FRMD4A: variants seen among roughly 807,000 people sequenced by gnomAD.
FRMD4A encodes the protein FERM domain-containing protein 4A.
In FRMD4A, 29 loss-of-function variants were observed where a neutral mutation model predicts 129.1. The ratio of observed to expected loss-of-function variants is 0.22; its 90% CI spans 0.17 to 0.31. FRMD4A has a LOEUF of 0.31. Among genes scored for constraint, FRMD4A ranks in the 10% least tolerant of loss-of-function variants. FRMD4A has a pLI of 1.00. For missense variants in FRMD4A, 1,272 were observed against 1,375.8 expected, an observed-to-expected ratio of 0.92 and a Z score of 1.19; for synonymous variants, 634 against 571.6, an observed-to-expected ratio of 1.11 and a Z score of -1.56.
intron 12 of FRMD4A, among the ~76,000 whole-genome samples, chr10:13,725,202 G>A (rs1000988359): frequency 1.3e-5 from 2 of 152,176 alleles, no homozygotes; most frequent in Admixed American, 6.5e-5. Context: ...AGAAAACTGA[G>A]GCCCAGGGAA....
chr10:13,684,076 T>G (rs1044050275), intron 15 of FRMD4A: 1 of 152,174 alleles, frequency 6.6e-6, no homozygotes, highest in Non-Finnish European at 1.5e-5. Flanking sequence ...AGGAAAACAG[T>G]GTCATCAGGT....
chr10:14,329,702 A>C (rs1425786515), intron 2 of FRMD4A, among the ~76,000 whole-genome samples: 1 of 152,138 alleles, frequency 6.6e-6, no homozygotes, highest in Non-Finnish European at 1.5e-5. Context: ...ATATCCAAAA[A>C]CAAACACAAT....
intron 2 of FRMD4A, among the ~76,000 whole-genome samples, chr10:14,144,827 A>G (rs1364113695): frequency 1.3e-5 from 2 of 152,096 alleles, no homozygotes; most frequent in Non-Finnish European, 2.9e-5. Context: ...GGTGATGAAG[A>G]GCAGCAGAGG....
intron 2 of FRMD4A, among the ~76,000 whole-genome samples, chr10:13,974,675 C>A (rs749871140): frequency 6.6e-6 from 1 of 152,080 alleles, no homozygotes; most frequent in Non-Finnish European, 1.5e-5. Flanking sequence ...TACAGGCACC[C>A]GCCACCATGC....
intron 2 of FRMD4A, among the ~76,000 whole-genome samples, chr10:13,969,187 T>G (rs1178607743): frequency 6.6e-6 from 1 of 152,208 alleles, no homozygotes; most frequent in Non-Finnish European, 1.5e-5. Context: ...TCACTGAGCC[T>G]CCCAGGTTGG....
Position 13,657,669 on chromosome 10 carries a change from G to A in FRMD4A, c.2067-147C>T. ...CAGCAAGCCAGAGTCTCACTCAGCA[G>A]GGCTGCCCCAGGGATCCGGGAACTG... On this transcript the variant is annotated intron_variant, in intron 21 of 24. Coordinates refer to ENST00000357447, the MANE Select transcript of FRMD4A (RefSeq NM_018027.5). 15 of 1,204,428 alleles carry A rather than the reference G, an allele frequency of 1.2e-5. No individual in the cohort carries two copies. In the South Asian group the frequency reaches 2.6e-4, roughly 21 times the overall value. 74.6% of individuals were successfully genotyped at this position (1,204,428 alleles called of 1,614,324 possible). A position where few individuals can be genotyped will look rare whatever the true frequency, so the allele number is the denominator to read the frequency against.
chr10:14,095,306 A>C (rs1301439072), intron 2 of FRMD4A, among the ~76,000 whole-genome samples: 1 of 152,192 alleles, frequency 6.6e-6, no homozygotes, highest in Non-Finnish European at 1.5e-5. Flanking sequence ...AAGTTTTAAA[A>C]GATTCTGCAT....
intron 2 of FRMD4A, among the ~76,000 whole-genome samples, chr10:14,317,631 T>C (rs1846789669): frequency 6.7e-6 from 1 of 149,450 alleles, no homozygotes; most frequent in Non-Finnish European, 1.5e-5. Flanking sequence ...TGAGACCCTC[T>C]TAAAATCTTT....
intron 2 of FRMD4A, among the ~76,000 whole-genome samples, chr10:14,283,091 C>T (rs1016635806): frequency 1.3e-5 from 2 of 152,224 alleles, no homozygotes; most frequent in African/African-American, 2.4e-5. Flanking sequence ...GAGTTCCAGG[C>T]ATCAGCCTGA....
At chr10:14,125,152 C>T (rs17154695) in intron 2 of FRMD4A, among the ~76,000 whole-genome samples, 55,884 of 151,978 alleles carry the variant, frequency 0.37, 10,725 homozygotes, top group East Asian at 0.52. Flanking sequence ...GCCATGACAT[C>T]CCAACGCATG....
intron 2 of FRMD4A, among the ~76,000 whole-genome samples, chr10:14,195,603 G>A (rs1842449957): frequency 6.6e-6 from 1 of 152,116 alleles, no homozygotes; most frequent in African/African-American, 2.4e-5. Context: ...CTGACTCTTC[G>A]TGCAGTGAGC....
chr10:14,290,785 T>C (rs1020389391), intron 2 of FRMD4A, among the ~76,000 whole-genome samples: 2 of 152,062 alleles, frequency 1.3e-5, no homozygotes, highest in African/African-American at 4.8e-5. Flanking sequence ...CAAACACTTT[T>C]AAGCCCACTC....
chr10:13,906,453 A>T (rs947027607), intron 2 of FRMD4A, among the ~76,000 whole-genome samples: 1 of 152,186 alleles, frequency 6.6e-6, no homozygotes, highest in Non-Finnish European at 1.5e-5. Context: ...ATTCCTACTC[A>T]TAGGCATGCT....
At chr10:13,949,301 CAAAA>C (rs34006963) in intron 2 of FRMD4A, among the ~76,000 whole-genome samples, 1 of 98,970 alleles carries the variant, frequency 1.0e-5, no homozygotes. Flanking sequence ...TTCTAGTGAT[CAAAA>C]AAAAAAAAAA....
chr10:13,994,935 T>G (rs1286324765), intron 2 of FRMD4A, among the ~76,000 whole-genome samples: 1 of 152,168 alleles, frequency 6.6e-6, no homozygotes, highest in Non-Finnish European at 1.5e-5. Context: ...TTATAATGCC[T>G]CTACGAGGTT....
chr10:13,674,811 A>T (rs1379987674), intron 16 of FRMD4A, 100 bp downstream of exon 16: 1 of 1,304,904 alleles, frequency 7.7e-7, no homozygotes, highest in African/African-American at 1.5e-5. Context: ...CGATCAAATG[A>T]CATCAGTCAA....
chr10:13,969,018 G>T (rs1565134796), intron 2 of FRMD4A, among the ~76,000 whole-genome samples: 1 of 152,208 alleles, frequency 6.6e-6, no homozygotes, highest in Non-Finnish European at 1.5e-5. Context: ...AAACGGCCCT[G>T]GTTGGCAGTA....
intron 4 of FRMD4A, among the ~76,000 whole-genome samples, chr10:13,798,941 T>G (rs2091577): frequency 6.6e-6 from 1 of 151,938 alleles, no homozygotes; most frequent in Non-Finnish European, 1.5e-5. Context: ...CCAGTAGGCC[T>G]TTCCCTTCCT....
At chr10:13,740,032 G>A (rs1416327567) in intron 11 of FRMD4A, among the ~76,000 whole-genome samples, 162 bp downstream of exon 11, 1 of 152,228 alleles carries the variant, frequency 6.6e-6, no homozygotes, top group Non-Finnish European at 1.5e-5. Flanking sequence ...CCCGGGAGGT[G>A]GAGGTTGCAG....
Sources: allele counts gnomAD v4.1 joint callset (sites outside exome capture counted in the v4.1 genomes callset), GRCh38; gene constraint gnomAD v4.1.1; transcripts MANE v1.5; gene names NCBI Gene and HGNC (gene_info 2026-07-23, HGNC 2026-07-21).